Variants in MFHAS1 observed in about 807,000 individuals in gnomAD.
The protein encoded by MFHAS1 is multifunctional ROCO family signaling regulator 1.
Under a neutral mutation model 70.4 loss-of-function variants are expected in MFHAS1, and 50 were observed. That is an observed-to-expected ratio of 0.71 (90% confidence interval 0.57 to 0.90). The LOEUF is 0.90. Among genes scored for constraint, MFHAS1 ranks in the 40% least tolerant of loss-of-function variants. The pLI is 0.00. For synonymous variants in MFHAS1, 952 were observed against 620.0 expected (o/e 1.54, Z -7.96); for missense variants, 1,795 against 1,347.6 (o/e 1.33, Z -5.20).
At chr8:8,837,525 C>G (rs1585044058) in intron 1 of MFHAS1, among the ~76,000 whole-genome samples, 1 of 152,112 alleles carries the variant, frequency 6.6e-6, no homozygotes, top group South Asian at 2.1e-4. Context: ...ACCTATACTC[C>G]CAAGCTACTC....
rs578104189 is a variant in MFHAS1 at position 8,783,734 on chromosome 8, A to C, written c.*2288T>G. 6.6e-6 allele frequency: 1 copy of C among 152,326 alleles called. No individual in the cohort carries two copies. The highest frequency in any genetic ancestry group is 2.4e-5 in the African/African-American group (1 of 41,570). 9.4% of individuals were successfully genotyped at this position (152,326 alleles called of 1,614,324 possible). ...AAAACATTCCTCTTGTGCTTAGTGAATCACCTATCGCCTCGGTGGGCTGCT... is the reference window on the plus strand; with the variant it reads ...AAAACATTCCTCTTGTGCTTAGTGACTCACCTATCGCCTCGGTGGGCTGCT... On this transcript the variant is annotated 3_prime_UTR_variant, in exon 3 of 3. Coordinates refer to ENST00000276282, the MANE Select transcript of MFHAS1 (RefSeq NM_004225.3).
intron 1 of MFHAS1, among the ~76,000 whole-genome samples, chr8:8,842,669 G>C (rs1172021668): frequency 1.3e-5 from 2 of 152,152 alleles, no homozygotes; most frequent in Non-Finnish European, 2.9e-5. Flanking sequence ...GAGAACCTCA[G>C]CCCCTGCCCC....
chr8:8,835,897 A>C (rs527882652), intron 1 of MFHAS1, among the ~76,000 whole-genome samples: 1 of 152,358 alleles, frequency 6.6e-6, no homozygotes, highest in East Asian at 1.9e-4. Context: ...ACAGCCAGTC[A>C]TTTACATATT....
At chr8:8,868,971 G>C (rs1415116834) in intron 1 of MFHAS1, among the ~76,000 whole-genome samples, 2 of 152,174 alleles carry the variant, frequency 1.3e-5, no homozygotes, top group African/African-American at 2.4e-5. Flanking sequence ...TGAGAAAAAA[G>C]ATTATGGGCA....
chr8:8,892,366 G>A lies in MFHAS1; in HGVS notation c.693C>T (p.Ile231=). ...EDISALRALK[I]LWLSGAELGT... Reference sequence around the variant, plus strand: ...CAAGCTCGGCCCCACTCAGCCAGAGGATCTTGAGGGCACGCAGGGCACTGA... The same window carrying A: ...CAAGCTCGGCCCCACTCAGCCAGAGAATCTTGAGGGCACGCAGGGCACTGA... The change falls in exon 1 of 3, where the codon ATC becomes ATT. Residue 231 remains isoleucine (I), a synonymous_variant. Coordinates refer to ENST00000276282, the MANE Select transcript of MFHAS1 (RefSeq NM_004225.3). This position sits in a 1 kb window ranked among gnomAD's most constrained non-coding sequence, Gnocchi z 4.7. The A allele has an allele frequency of 1.2e-6, 2 of 1,612,404 alleles. No homozygotes were observed. Among genetic ancestry groups the A allele is most frequent in the African/African-American group, 2.7e-5 (2 of 74,986 alleles).
At chr8:8,803,636 T>G (rs1806163493) in intron 1 of MFHAS1, among the ~76,000 whole-genome samples, 1 of 152,056 alleles carries the variant, frequency 6.6e-6, no homozygotes, top group Admixed American at 6.5e-5. Flanking sequence ...ACATAACATT[T>G]GTATTGTATT....
chr8:8,879,990 A>G (rs1585069206), intron 1 of MFHAS1, among the ~76,000 whole-genome samples: 1 of 152,216 alleles, frequency 6.6e-6, no homozygotes, highest in African/African-American at 2.4e-5. Flanking sequence ...AGAAGACAAG[A>G]ATTACACAAC....
At chr8:8,824,825 G>T (rs543571652) in intron 1 of MFHAS1, among the ~76,000 whole-genome samples, 1 of 152,350 alleles carries the variant, frequency 6.6e-6, no homozygotes, top group East Asian at 1.9e-4. Flanking sequence ...CAAGTTGGAG[G>T]CAAGGCCCCA....
intron 2 of MFHAS1, among the ~76,000 whole-genome samples, chr8:8,786,422 G>C (rs1020988642): frequency 3.3e-5 from 5 of 152,044 alleles, no homozygotes; most frequent in African/African-American, 1.2e-4. Context: ...AACACACACG[G>C]TCACACGCAG....
intron 1 of MFHAS1, among the ~76,000 whole-genome samples, chr8:8,876,915 C>T (rs1284461129): frequency 6.6e-6 from 1 of 151,186 alleles, no homozygotes; most frequent in Non-Finnish European, 1.5e-5. Flanking sequence ...GCCTGCATGA[C>T]AGAGCAAGAC....
rs1266529510 is a variant in MFHAS1 at position 8,861,807 on chromosome 8, T to C, written c.2998+28254A>G. On this transcript the variant is annotated intron_variant, in intron 1 of 2. Transcript: ENST00000276282. ...GTTTTGCCTTTTCTAGAACTTCATA[T>C]AAATGGAGTCATACAATATGTACTC... 5.3e-5 allele frequency among the ~76,000 whole-genome samples: 8 copies of C among 152,212 alleles called. No homozygotes were observed. In the South Asian group the frequency reaches 1.2e-3, roughly 24 times the overall value.
At chr8:8,818,034 G>A (rs536196490) in intron 1 of MFHAS1, among the ~76,000 whole-genome samples, 1 of 152,198 alleles carries the variant, frequency 6.6e-6, no homozygotes, top group East Asian at 1.9e-4. Context: ...TCTCACCTAT[G>A]CATCCCATTA....
At chr8:8,828,750 C>T (rs560546298) in intron 1 of MFHAS1, among the ~76,000 whole-genome samples, 11 of 152,362 alleles carry the variant, frequency 7.2e-5, no homozygotes, top group African/African-American at 1.7e-4. Flanking sequence ...GCAGTCCTCA[C>T]GGCGTGCATA....
At chr8:8,804,659 A>G (rs1225990596) in intron 1 of MFHAS1, among the ~76,000 whole-genome samples, 1 of 152,204 alleles carries the variant, frequency 6.6e-6, no homozygotes, top group Non-Finnish European at 1.5e-5. Context: ...ACTTCTTCCA[A>G]GCATCCTCCA....
In MFHAS1 at chr8:8,890,101, C is replaced by G. The variant is rs1472231597; in HGVS notation, c.2958G>C (p.Lys986Asn). 1.2e-6 allele frequency: 2 copies of G among 1,612,974 alleles called. No individual in the cohort carries two copies. Among genetic ancestry groups the G allele is most frequent in the Non-Finnish European group, 1.7e-6 (2 of 1,179,428 alleles). ...LHYTVHILCS[K>N]CLKRGSPNPH... ...GATTGGGCGATCCTCTCTTAAGGCACTTAGAACAGAGAATGTGCACGGTGT... is the reference window on the plus strand; with the variant it reads ...GATTGGGCGATCCTCTCTTAAGGCAGTTAGAACAGAGAATGTGCACGGTGT... The change falls in exon 1 of 3, where the codon AAG becomes AAC. Residue 986 changes from lysine (K) to asparagine (N), a missense_variant. Physicochemically the swap from Lys to Asn is moderately conservative, Grantham distance 94 (BLOSUM62 0). Coordinates refer to ENST00000276282, the MANE Select transcript of MFHAS1 (RefSeq NM_004225.3).
At chr8:8,882,485 G>A (rs749920527) in intron 1 of MFHAS1, among the ~76,000 whole-genome samples, 1 of 152,112 alleles carries the variant, frequency 6.6e-6, no homozygotes, top group Middle Eastern at 3.2e-3. Flanking sequence ...GGTGGCACAC[G>A]CCTGTAATCC....
intron 1 of MFHAS1, among the ~76,000 whole-genome samples, chr8:8,820,874 GC>G (rs1199410322): frequency 2.0e-5 from 3 of 152,222 alleles, no homozygotes; most frequent in African/African-American, 4.8e-5. Flanking sequence ...TAAGTGGAGA[GC>G]CACTGGATGC....
chr8:8,844,255 T>C (rs761510298), intron 1 of MFHAS1, among the ~76,000 whole-genome samples: 4 of 152,242 alleles, frequency 2.6e-5, no homozygotes, highest in Non-Finnish European at 5.9e-5. Flanking sequence ...AAAAACTGTA[T>C]GATTCTAAGT....
At chr8:8,821,659 A>G (rs1322115777) in intron 1 of MFHAS1, among the ~76,000 whole-genome samples, 1 of 152,232 alleles carries the variant, frequency 6.6e-6, no homozygotes, top group Admixed American at 6.5e-5. Flanking sequence ...GACTTGATGT[A>G]TATTAAATCC....
Sources: allele counts gnomAD v4.1 joint callset (sites outside exome capture counted in the v4.1 genomes callset), GRCh38; gene constraint gnomAD v4.1.1; non-coding constraint Gnocchi (gnomAD v3.1); transcripts MANE v1.5; gene names NCBI Gene and HGNC (gene_info 2026-07-23, HGNC 2026-07-21).